Variants in RELN observed in about 807,000 individuals in gnomAD.
RELN encodes reelin.
RELN carries 108 observed loss-of-function variants against 427.6 expected under a neutral mutation model. The ratio of observed to expected loss-of-function variants is 0.25; its 90% CI spans 0.22 to 0.30. The LOEUF is 0.30. Ranked by LOEUF, RELN falls within the 10% of genes least tolerant of loss-of-function variation. The probability of loss-of-function intolerance (pLI) is 1.00; values close to 1 mark genes in which losing one functional copy is unlikely to be tolerated. For synonymous variants in RELN, 1,524 were observed against 1,513.4 expected, an observed-to-expected ratio of 1.01 and a Z score of -0.16; for missense variants, 3,715 against 4,302.8, an observed-to-expected ratio of 0.86 and a Z score of 3.82.
intron 7 of RELN, among the ~76,000 whole-genome samples, chr7:103,725,111 T>C (rs1466719750): frequency 6.6e-6 from 1 of 152,192 alleles, no homozygotes; most frequent in Non-Finnish European, 1.5e-5. Flanking sequence ...AGGAAATTAG[T>C]ATGATAACTA....
At chr7:103,876,340 C>G (rs4727576) in intron 2 of RELN, among the ~76,000 whole-genome samples, 52,189 of 151,900 alleles carry the variant, frequency 0.34, 9,666 homozygotes, top group Non-Finnish European at 0.42. Flanking sequence ...AGATATGGAG[C>G]AGTAATTTGG....
chr7:103,864,114 A>C (rs1794136690), intron 2 of RELN, among the ~76,000 whole-genome samples: 1 of 152,110 alleles, frequency 6.6e-6, no homozygotes, highest in Admixed American at 6.6e-5. Flanking sequence ...AGATAGGATC[A>C]CTCACATCAT....
Position 103,523,501 on chromosome 7 carries a change from T to C in RELN, c.7380A>G (p.Gln2460=). The stretch of plus-strand genomic sequence containing the variant: ...TCTGCTGCTTGTCAAAAGGAGCTGG[T>C]TGATGCCAACGGAAACGAGTGGCTT... ...RSQATRFRWH[Q]PAPFDKQQTW... Residue 2460 remains glutamine, a synonymous_variant, in exon 47 of 65, where the codon CAA becomes CAG. Coordinates refer to ENST00000428762, the MANE Select transcript of RELN (RefSeq NM_005045.4). The C allele has an allele frequency of 3.7e-6, 6 of 1,614,044 alleles. No individual in the cohort carries two copies. Among genetic ancestry groups the C allele is most frequent in the South Asian group, 1.1e-5 (1 of 91,086 alleles).
At chr7:103,698,845 T>C (rs539917652) in intron 9 of RELN, among the ~76,000 whole-genome samples, 39 of 152,262 alleles carry the variant, frequency 2.6e-4, no homozygotes, top group African/African-American at 9.1e-4. Context: ...GTTTTTACTT[T>C]GAAATTATTC....
intron 51 of RELN, among the ~76,000 whole-genome samples, chr7:103,504,119 G>A (rs1584242604): frequency 1.3e-5 from 2 of 152,176 alleles, no homozygotes; most frequent in South Asian, 2.1e-4. Flanking sequence ...CAGGAGAATC[G>A]TCTGAACCCG....
At chr7:103,736,025 C>T (rs1275432760) in intron 6 of RELN, among the ~76,000 whole-genome samples, 1 of 152,152 alleles carries the variant, frequency 6.6e-6, no homozygotes, top group Non-Finnish European at 1.5e-5. Flanking sequence ...TGTCTGCACC[C>T]CCAGGTACGG....
At chr7:103,737,287 G>A (rs115837704) in intron 6 of RELN, among the ~76,000 whole-genome samples, 2,084 of 152,222 alleles carry the variant, frequency 0.014, 54 homozygotes, top group African/African-American at 0.048. Context: ...CTGCCTTTCC[G>A]GCTCACTGCC....
chr7:103,656,629 G>A (rs1243014260), intron 12 of RELN, among the ~76,000 whole-genome samples: 1 of 152,060 alleles, frequency 6.6e-6, no homozygotes, highest in East Asian at 1.9e-4. Flanking sequence ...AGTCATTTGT[G>A]AGAAAATCGC....
chr7:103,911,157 G>GA (rs1243917691), intron 2 of RELN, among the ~76,000 whole-genome samples: 2 of 141,830 alleles, frequency 1.4e-5, no homozygotes, highest in Non-Finnish European at 3.0e-5. Context: ...AAATTTACAA[G>GA]AAAAAAACAA....
At chr7:103,587,218 T>C (rs886091636) in intron 28 of RELN, among the ~76,000 whole-genome samples, 1 of 151,872 alleles carries the variant, frequency 6.6e-6, no homozygotes, top group Non-Finnish European at 1.5e-5. Flanking sequence ...AATCCAGAAA[T>C]AAAGCCCCAG....
chr7:103,888,628 A>G (rs554821720), intron 2 of RELN, among the ~76,000 whole-genome samples: 2 of 152,140 alleles, frequency 1.3e-5, no homozygotes, highest in African/African-American at 2.4e-5. Flanking sequence ...CAGAGCCACT[A>G]CTTGCCTGTC....
intron 1 of RELN, among the ~76,000 whole-genome samples, chr7:103,918,325 A>G (rs1253364075): frequency 6.6e-6 from 1 of 152,204 alleles, no homozygotes; most frequent in Non-Finnish European, 1.5e-5. Flanking sequence ...TGAGGTAAGT[A>G]GTTTACATAT....
intron 10 of RELN, among the ~76,000 whole-genome samples, chr7:103,685,427 T>C (rs994755966): frequency 1.3e-5 from 2 of 152,082 alleles, no homozygotes; most frequent in Non-Finnish European, 2.9e-5. Flanking sequence ...ATCATGAAAA[T>C]CTACTAGGTT....
intron 16 of RELN, among the ~76,000 whole-genome samples, chr7:103,646,474 C>A (rs1832799329): frequency 6.6e-6 from 1 of 151,830 alleles, no homozygotes; most frequent in African/African-American, 2.4e-5. Flanking sequence ...AGGAGATAAT[C>A]AGTGATTACT....
At chr7:103,828,122 A>G (rs1793186151) in intron 3 of RELN, among the ~76,000 whole-genome samples, 1 of 152,010 alleles carries the variant, frequency 6.6e-6, no homozygotes. Context: ...GAATGGAAAT[A>G]AATGGGCAAC....
intron 1 of RELN, among the ~76,000 whole-genome samples, chr7:103,972,230 G>C (rs915142250): frequency 1.3e-5 from 2 of 152,204 alleles, no homozygotes; most frequent in African/African-American, 2.4e-5. Context: ...TATGGGCATG[G>C]AAAGATGCTG....
intron 24 of RELN, among the ~76,000 whole-genome samples, chr7:103,601,114 ATGTGTG>A (rs34548867): frequency 6.6e-6 from 1 of 150,696 alleles, no homozygotes; most frequent in Non-Finnish European, 1.5e-5. Flanking sequence ...ACATGTTAAA[ATGTGTG>A]TGTGTGTGTG....
chr7:103,881,197 AC>A (rs1326429461), intron 2 of RELN, among the ~76,000 whole-genome samples: 3 of 152,132 alleles, frequency 2.0e-5, no homozygotes. Context: ...ACTGGCCTTA[AC>A]AAGGCCACTG....
intron 2 of RELN, among the ~76,000 whole-genome samples, chr7:103,843,928 G>A (rs1256295931): frequency 6.6e-6 from 1 of 152,116 alleles, no homozygotes; most frequent in Non-Finnish European, 1.5e-5. Context: ...CTGCTTAACA[G>A]CTGCATGGTG....
Sources: allele counts gnomAD v4.1 joint callset (sites outside exome capture counted in the v4.1 genomes callset), GRCh38; gene constraint gnomAD v4.1.1; transcripts MANE v1.5; gene names NCBI Gene and HGNC (gene_info 2026-07-23, HGNC 2026-07-21).